The following NCKAP5 variants were observed in gnomAD, a reference collection of about 807,000 sequenced individuals.
The protein encoded by NCKAP5 is nck-associated protein 5.
A neutral mutation model predicts 167.0 loss-of-function variants in NCKAP5; 92 were observed. That is an observed-to-expected ratio of 0.55 (90% confidence interval 0.47 to 0.66). NCKAP5 has a LOEUF of 0.66. Ranked by LOEUF, NCKAP5 falls within the 30% of genes least tolerant of loss-of-function variation. The pLI, the probability that NCKAP5 is intolerant of heterozygous loss-of-function variation, is 0.00. For synonymous variants in NCKAP5, 891 were observed against 877.4 expected (o/e 1.02, Z -0.27); for missense variants, 2,378 against 2,315.0 (o/e 1.03, Z -0.56).
At chr2:132,821,115 G>A (rs961546883) in intron 11 of NCKAP5, among the ~76,000 whole-genome samples, 8 of 152,142 alleles carry the variant, frequency 5.3e-5, no homozygotes, top group African/African-American at 1.9e-4. Context: ...GAACCACCAT[G>A]AAACATACCG....
At chr2:133,622,505 A>T in the NCKAP5 span, among the ~76,000 whole-genome samples, 1 of 152,192 alleles carries the variant, frequency 6.6e-6, no homozygotes, top group African/African-American at 2.4e-5. Flanking sequence ...CCAAACTGAG[A>T]ATCAAATCAA....
At chr2:132,743,994 T>G (rs570417137) in intron 16 of NCKAP5, among the ~76,000 whole-genome samples, 1 of 151,852 alleles carries the variant, frequency 6.6e-6, no homozygotes, top group South Asian at 2.1e-4. Flanking sequence ...CAAGACATTA[T>G]AATCCTAAAT....
At chr2:133,444,409 T>TAGATAGATATAG (rs1190357351) in intron 3 of NCKAP5, among the ~76,000 whole-genome samples, 7 of 138,766 alleles carry the variant, frequency 5.0e-5, no homozygotes, top group African/African-American at 2.1e-4. Flanking sequence ...GATAGATAGA[T>TAGATAGATATAG]ATAGATATAG....
intron 16 of NCKAP5, among the ~76,000 whole-genome samples, chr2:132,764,240 A>T (rs1310833367): frequency 2.0e-5 from 3 of 152,224 alleles, no homozygotes; most frequent in Non-Finnish European, 2.9e-5. Context: ...ATGGAGGGTG[A>T]TATGTAATTT....
intron 6 of NCKAP5, chr2:133,117,191 T>G (rs1179881532): frequency 1.3e-5 from 2 of 152,250 alleles, no homozygotes; most frequent in Non-Finnish European, 2.9e-5. Flanking sequence ...GGGATGCTTA[T>G]TTGTTTCATT....
intron 3 of NCKAP5, among the ~76,000 whole-genome samples, chr2:133,372,136 T>C (rs1248408337): frequency 1.7e-4 from 26 of 152,130 alleles, no homozygotes; most frequent in Admixed American, 1.7e-3. Context: ...GAGTGGTCCT[T>C]GAAGGATGGA....
At chr2:132,809,065 T>C (rs572614788) in intron 11 of NCKAP5, among the ~76,000 whole-genome samples, 1 of 152,270 alleles carries the variant, frequency 6.6e-6, no homozygotes, top group Non-Finnish European at 1.5e-5. Context: ...TTTCCACGTA[T>C]TTGCATGGTT....
At chr2:133,290,728 C>CTTTT (rs58758295) in intron 4 of NCKAP5, among the ~76,000 whole-genome samples, 2,475 of 86,418 alleles carry the variant, frequency 0.029, 1 homozygote, top group Non-Finnish European at 0.035. Flanking sequence ...AGAATTTCTC[C>CTTTT]TTTTTTTTTT....
At chr2:133,246,880 C>T (rs2088026073) in intron 4 of NCKAP5, among the ~76,000 whole-genome samples, 1 of 152,104 alleles carries the variant, frequency 6.6e-6, no homozygotes. Flanking sequence ...CATGTAGACC[C>T]TCCCCAGGTT....
intron 8 of NCKAP5, among the ~76,000 whole-genome samples, chr2:132,932,073 C>G (rs2149059744): frequency 6.6e-6 from 1 of 152,298 alleles, no homozygotes; most frequent in Middle Eastern, 3.4e-3. Context: ...CAGGGCGCTC[C>G]TCACTGGTAA....
chr2:133,011,908 C>T (rs968633340), intron 6 of NCKAP5, among the ~76,000 whole-genome samples: 1 of 152,284 alleles, frequency 6.6e-6, no homozygotes, highest in African/African-American at 2.4e-5. Flanking sequence ...TTTACAGATG[C>T]GGAGGCCCCT....
intron 6 of NCKAP5, among the ~76,000 whole-genome samples, chr2:133,024,919 A>T (rs866854519): frequency 2.0e-5 from 3 of 152,238 alleles, no homozygotes; most frequent in African/African-American, 7.2e-5. Flanking sequence ...CACATCTTCC[A>T]GGAGTGATAA....
intron 3 of NCKAP5, among the ~76,000 whole-genome samples, chr2:133,309,921 T>C (rs1681111253): frequency 6.6e-6 from 1 of 152,316 alleles, no homozygotes; most frequent in South Asian, 2.1e-4. Context: ...GCATAACTTA[T>C]GGCAGAGCTT....
At chr2:133,632,374 G>C in the NCKAP5 span, among the ~76,000 whole-genome samples, 1 of 152,214 alleles carries the variant, frequency 6.6e-6, no homozygotes, top group Non-Finnish European at 1.5e-5. Flanking sequence ...AAGCCCCAAG[G>C]CTGCCTGGAT....
chr2:133,217,299 T>C (rs1446450333), intron 4 of NCKAP5, among the ~76,000 whole-genome samples: 1 of 152,056 alleles, frequency 6.6e-6, no homozygotes, highest in East Asian at 1.9e-4. Context: ...AAAGTGAACA[T>C]GTCCGTATTA....
At chr2:133,640,952 C>T in the NCKAP5 span, among the ~76,000 whole-genome samples, 156 of 152,280 alleles carry the variant, frequency 1.0e-3, 3 homozygotes, top group East Asian at 0.029. Flanking sequence ...ACCCCATATG[C>T]AAATAACTCT....
rs1279206366 is a variant in NCKAP5 at position 132,951,517 on chromosome 2, GTAAAA to G, written c.579+12198_579+12202del. Among the ~76,000 whole-genome samples, 11 of 152,152 alleles carry G rather than the reference GTAAAA, an allele frequency of 7.2e-5. No individual in the cohort carries two copies. The East Asian group carries it at 2.1e-3, about 29-fold the overall frequency. On this transcript the variant is annotated intron_variant, in intron 8 of 19. Coordinates refer to ENST00000409261, the MANE Select transcript of NCKAP5 (RefSeq NM_207363.3). ...TGGGTCACACTGCTTTGGTTATAAA[GTAAAA>G]CTGCATATTTCCCACTCCCTTTGTA...
chr2:132,885,616 A>G (rs1005594158), intron 8 of NCKAP5, among the ~76,000 whole-genome samples: 1 of 152,194 alleles, frequency 6.6e-6, no homozygotes, highest in African/African-American at 2.4e-5. Flanking sequence ...AGCATCACAG[A>G]GCAAATCCGT....
intron 8 of NCKAP5, among the ~76,000 whole-genome samples, chr2:132,931,921 T>TAAA (rs1696410623): frequency 6.6e-6 from 1 of 152,208 alleles, no homozygotes; most frequent in Non-Finnish European, 1.5e-5. Context: ...ATAATGCTTT[T>TAAA]AAGTAAAGTT....
Sources: allele counts gnomAD v4.1 joint callset (sites outside exome capture counted in the v4.1 genomes callset), GRCh38; gene constraint gnomAD v4.1.1; transcripts MANE v1.5; gene names NCBI Gene and HGNC (gene_info 2026-07-23, HGNC 2026-07-21).